PRKN: variants seen among roughly 807,000 people sequenced by gnomAD.
PRKN encodes parkin RBR E3 ubiquitin protein ligase, also known as E3 ubiquitin-protein ligase parkin.
In PRKN, 56 loss-of-function variants were observed where a neutral mutation model predicts 59.5. The observed-to-expected ratio is 0.94, with a 90% CI of 0.76 to 1.18. The LOEUF is 1.18. PRKN is among the 50% of genes most tolerant of loss of function. The pLI is 0.00. For missense variants in PRKN, 657 were observed against 596.4 expected (o/e 1.10, Z -1.06); for synonymous variants, 250 against 222.1 (o/e 1.13, Z -1.12).
At chr6:161,478,631 G>C (rs1285583165) in intron 9 of PRKN, among the ~76,000 whole-genome samples, 1 of 152,210 alleles carries the variant, frequency 6.6e-6, no homozygotes, top group Non-Finnish European at 1.5e-5. Context: ...GATCATGTGA[G>C]TCCAGGGGTT....
rs570854227 is a variant in PRKN at position 162,043,645 on chromosome 6, A to T, written c.618+10446T>A. ...TTGACTCAATTGTCCTTTGGAAAGG[A>T]TGAAGTCTCAGATAGTCTCAAAGTT... On this transcript the variant is annotated intron_variant, in intron 5 of 11. Transcript: ENST00000366898. 1.6e-4 allele frequency among the ~76,000 whole-genome samples: 24 copies of T among 152,358 alleles called. 2 individuals are homozygous for T. In the South Asian group the frequency reaches 5.0e-3, roughly 32 times the overall value.
Position 161,502,249 on chromosome 6 carries a change from T to A in PRKN, c.1083+46605A>T, listed in dbSNP as rs183155757. 6.6e-4 allele frequency among the ~76,000 whole-genome samples: 100 copies of A among 152,290 alleles called. No individual in the cohort carries two copies. The highest frequency in any genetic ancestry group is 2.2e-3 in the African/African-American group (92 of 41,564). On this transcript the variant is annotated intron_variant, in intron 9 of 11. Coordinates refer to ENST00000366898, the MANE Select transcript of PRKN (RefSeq NM_004562.3). The surrounding 1 kb of genome is among the most constrained non-coding windows in gnomAD (Gnocchi z 4.0). ...CTCTTTGGGAGAGGCACTACTCCTA[T>A]CCCTATGTTATAGCTGAGGACGCTG... is the stretch of plus-strand genomic sequence containing the variant.
Position 161,562,130 on chromosome 6 carries a change from AT to A in PRKN, c.933+7224del. Among the ~76,000 whole-genome samples the A allele has an allele frequency of 6.6e-6, 1 of 151,362 alleles. No homozygotes were observed. Among genetic ancestry groups the A allele is most frequent in the South Asian group, 2.1e-4 (1 of 4,774 alleles). On this transcript the variant is annotated intron_variant, in intron 8 of 11. Coordinates refer to ENST00000366898, the MANE Select transcript of PRKN (RefSeq NM_004562.3). This position sits in a 1 kb window ranked among gnomAD's most constrained non-coding sequence, Gnocchi z 4.3. Reference sequence around the variant, plus strand: ...AGCTTCCCAAACACCATAAATCAGCATTCCTCCTCTGGAAGCCCCGCCTTCT... The same window carrying A: ...AGCTTCCCAAACACCATAAATCAGCATCCTCCTCTGGAAGCCCCGCCTTCT...
At chr6:161,681,893 G>C (rs542840457) in intron 7 of PRKN, among the ~76,000 whole-genome samples, 3 of 152,260 alleles carry the variant, frequency 2.0e-5, no homozygotes, top group African/African-American at 4.8e-5. Context: ...CCTGTGCAGA[G>C]GACGTCTGCA....
chr6:161,911,583 A>G (rs1242572669), intron 6 of PRKN, among the ~76,000 whole-genome samples: 5 of 152,148 alleles, frequency 3.3e-5, no homozygotes, highest in African/African-American at 1.2e-4. Context: ...ACCTAAAAAC[A>G]TTGCAAAAAA....
chr6:162,377,881 A>C (rs1786205819), intron 2 of PRKN, among the ~76,000 whole-genome samples: 1 of 152,200 alleles, frequency 6.6e-6, no homozygotes, highest in Non-Finnish European at 1.5e-5. Context: ...GGCAATGTGG[A>C]ATTTCAAGTG....
At chr6:162,198,086 G>T (rs1784568307) in intron 4 of PRKN, among the ~76,000 whole-genome samples, 1 of 152,202 alleles carries the variant, frequency 6.6e-6, no homozygotes, top group Non-Finnish European at 1.5e-5. Context: ...ATGAAGAGAG[G>T]AGAGGCCAAC....
chr6:162,213,970 C>T (rs2128076105), intron 3 of PRKN, among the ~76,000 whole-genome samples: 1 of 151,932 alleles, frequency 6.6e-6, no homozygotes, highest in East Asian at 1.9e-4. Flanking sequence ...CAGATGCATC[C>T]ACTCATACCC....
chr6:161,756,233 G>A (rs1022974729), intron 7 of PRKN, among the ~76,000 whole-genome samples: 2 of 151,972 alleles, frequency 1.3e-5, no homozygotes, highest in Non-Finnish European at 2.9e-5. Flanking sequence ...CTTGATGTCA[G>A]GAGTTCGAGA....
chr6:162,556,426 T>C (rs187372261), intron 1 of PRKN, among the ~76,000 whole-genome samples: 75 of 147,654 alleles, frequency 5.1e-4, no homozygotes, highest in African/African-American at 1.8e-3. Flanking sequence ...ACGCCTTCTT[T>C]TTTTTTCCCC....
At chr6:161,931,263 CTG>C (rs1332393252) in intron 6 of PRKN, among the ~76,000 whole-genome samples, 1 of 152,038 alleles carries the variant, frequency 6.6e-6, no homozygotes. Context: ...TGGCGAAACC[CTG>C]TCTCTACTAA....
intron 7 of PRKN, among the ~76,000 whole-genome samples, chr6:161,722,864 C>A (rs1387412400): frequency 6.6e-6 from 1 of 152,126 alleles, no homozygotes; most frequent in Non-Finnish European, 1.5e-5. Flanking sequence ...TGGGTTTTCT[C>A]TCCTGACTTT....
At chr6:161,478,215 G>A (rs1791212322) in intron 9 of PRKN, among the ~76,000 whole-genome samples, 1 of 152,126 alleles carries the variant, frequency 6.6e-6, no homozygotes, top group African/African-American at 2.4e-5. Flanking sequence ...TGAACAACGG[G>A]CATAAAGCAG....
At position 161,561,127 on chromosome 6, in the gene PRKN, G is replaced by A. The variant is rs547872825; in HGVS notation, c.933+8228C>T. The stretch of plus-strand genomic sequence containing the variant: ...TCTTCTTTCTTCCCCTCAACCCGCC[G>A]AAAAAAGGGGTGAAATAAAAAAGAT... On this transcript the variant is annotated intron_variant, in intron 8 of 11. Coordinates refer to ENST00000366898, the MANE Select transcript of PRKN (RefSeq NM_004562.3). The surrounding 1 kb of genome is among the most constrained non-coding windows in gnomAD (Gnocchi z 5.0). Among the ~76,000 whole-genome samples, 149 of 151,576 alleles carry A rather than the reference G, an allele frequency of 9.8e-4. No homozygotes were observed. The highest frequency in any genetic ancestry group is 3.3e-3 in the African/African-American group (137 of 41,388).
intron 6 of PRKN, among the ~76,000 whole-genome samples, chr6:161,910,434 T>A (rs2128236897): frequency 6.6e-6 from 1 of 152,210 alleles, no homozygotes; most frequent in South Asian, 2.1e-4. Context: ...TTTGTATTTT[T>A]AGTAGAGACG....
Position 161,379,517 on chromosome 6 carries a change from T to G in PRKN, c.1167+7277A>C, listed in dbSNP as rs1370561692. On this transcript the variant is annotated intron_variant, in intron 10 of 11. Coordinates refer to ENST00000366898, the MANE Select transcript of PRKN (RefSeq NM_004562.3). The surrounding 1 kb of genome is among the most constrained non-coding windows in gnomAD (Gnocchi z 4.9). ...GCTGTGAGGCTGGCCAGACCCCTCC[T>G]CCAGGACTGATATCCCTGCTGCTGG... 2.6e-5 allele frequency among the ~76,000 whole-genome samples: 4 copies of G among 152,206 alleles called. No individual in the cohort carries two copies. The East Asian group carries it at 7.7e-4, about 29-fold the overall frequency.
At chr6:162,564,103 T>G (rs1161060374) in intron 1 of PRKN, among the ~76,000 whole-genome samples, 3 of 152,060 alleles carry the variant, frequency 2.0e-5, no homozygotes, top group Non-Finnish European at 2.9e-5. Flanking sequence ...TCCCAGCACT[T>G]TGGGAGGCCG....
At chr6:161,367,191 C>T (rs7744126) in intron 10 of PRKN, among the ~76,000 whole-genome samples, 2,711 of 151,812 alleles carry the variant, frequency 0.018, 90 homozygotes, top group African/African-American at 0.063. Flanking sequence ...CCATGTTAGC[C>T]GGGATGGTCT....
At chr6:162,585,951 C>A (rs533377503) in intron 1 of PRKN, among the ~76,000 whole-genome samples, 4 of 152,070 alleles carry the variant, frequency 2.6e-5, no homozygotes, top group African/African-American at 7.2e-5. Context: ...GTGATCCACC[C>A]GCCTCGGCCT....
Sources: gnomAD v4.1 joint callset for allele counts (sites outside exome capture counted in the v4.1 genomes callset) on GRCh38, gnomAD v4.1.1 for gene constraint, Gnocchi (gnomAD v3.1) non-coding constraint, MANE v1.5 for transcripts, NCBI Gene and HGNC (gene_info 2026-07-23, HGNC 2026-07-21) for gene names.